The following ASIC2 variants were observed in gnomAD, a reference collection of about 807,000 sequenced individuals.
The protein encoded by ASIC2 is acid-sensing ion channel 2.
ASIC2 carries 25 observed loss-of-function variants against 57.3 expected under a neutral mutation model. The observed-to-expected ratio is 0.44, with a 90% confidence interval of 0.32 to 0.61. ASIC2 has a LOEUF of 0.61. Ranked by LOEUF, ASIC2 falls within the 20% of genes least tolerant of loss-of-function variation. The probability of loss-of-function intolerance (pLI) is 0.06; values close to 1 mark genes in which losing one functional copy is unlikely to be tolerated. For missense variants in ASIC2, 641 were observed against 738.1 expected (o/e 0.87, Z 1.52); for synonymous variants, 319 against 307.5 (o/e 1.04, Z -0.39).
intron 1 of ASIC2, among the ~76,000 whole-genome samples, chr17:33,993,139 C>T (rs909097620): frequency 1.3e-5 from 2 of 152,174 alleles, no homozygotes; most frequent in Non-Finnish European, 2.9e-5. Context: ...AGCCTCAGTG[C>T]TCCAGTGCCC....
At chr17:34,128,171 G>A (rs1598039997) in intron 1 of ASIC2, among the ~76,000 whole-genome samples, 1 of 152,176 alleles carries the variant, frequency 6.6e-6, no homozygotes, top group Non-Finnish European at 1.5e-5. Flanking sequence ...AAAGGCCCAG[G>A]TCATGGGTGT....
In ASIC2 at chr17:33,453,395, A is replaced by T. The variant is rs529232416; in HGVS notation, c.556-341328T>A. 2.0e-5 allele frequency among the ~76,000 whole-genome samples: 3 copies of T among 151,826 alleles called. No individual in the cohort carries two copies. The South Asian group carries it at 6.3e-4, about 32-fold the overall frequency. ...CCTCTCCTACATATTTTTCTAAGGG[A>T]GGGTGATGGACTCTAGAGCCAGAAA... On this transcript the variant is annotated intron_variant, in intron 1 of 9. Transcript: ENST00000359872.
At chr17:33,934,817 C>T (rs937516254) in intron 1 of ASIC2, among the ~76,000 whole-genome samples, 2 of 152,200 alleles carry the variant, frequency 1.3e-5, no homozygotes, top group Non-Finnish European at 1.5e-5. Flanking sequence ...CTTCTATCTC[C>T]TTGCCTAATC....
intron 1 of ASIC2, among the ~76,000 whole-genome samples, chr17:34,092,734 C>T (rs1252763747): frequency 6.6e-6 from 1 of 152,158 alleles, no homozygotes; most frequent in African/African-American, 2.4e-5. Context: ...AACTGGCAGC[C>T]ATCCACCTAC....
At chr17:34,134,830 C>T (rs9903752) in intron 1 of ASIC2, among the ~76,000 whole-genome samples, 19,094 of 152,226 alleles carry the variant, frequency 0.13, 1,365 homozygotes, top group African/African-American at 0.19. Context: ...AGTCAAACTG[C>T]ACTCCTTACT....
In ASIC2 at chr17:33,807,443, C is replaced by T. The variant is rs1469035642; in HGVS notation, c.555+348535G>A. On this transcript the variant is annotated intron_variant, in intron 1 of 9. Coordinates refer to the ASIC2 transcript ENST00000359872. The stretch of plus-strand genomic sequence containing the variant: ...GTGGGTAAACACCACAATTGCCACT[C>T]TCTTGGAGCTCAGCAAGAAAGGCAA... 3.3e-5 allele frequency among the ~76,000 whole-genome samples: 5 copies of T among 152,212 alleles called. No homozygotes were observed. In the East Asian group the frequency reaches 9.6e-4, roughly 29 times the overall value.
At chr17:33,036,777 C>T (rs2091910318) in intron 3 of ASIC2, among the ~76,000 whole-genome samples, 2 of 152,062 alleles carry the variant, frequency 1.3e-5, no homozygotes, top group Non-Finnish European at 2.9e-5. Flanking sequence ...TTGTCATGTT[C>T]CTCTTTCTTT....
intron 1 of ASIC2, among the ~76,000 whole-genome samples, chr17:33,418,759 G>T (rs1597721795): frequency 6.6e-6 from 1 of 152,110 alleles, no homozygotes. Context: ...ATGCAGTTTT[G>T]ATTACTGTAG....
At chr17:33,243,850 C>A (rs1184473955) in intron 1 of ASIC2, among the ~76,000 whole-genome samples, 1 of 152,144 alleles carries the variant, frequency 6.6e-6, no homozygotes, top group Admixed American at 6.5e-5. Context: ...CATTTTTAAT[C>A]CTCTGAAAGA....
chr17:33,197,112 G>T lies in ASIC2; in HGVS notation c.709-85045C>A, dbSNP rs188601193. ...AGTTTCCTCATCTATAAAATGGGTA[G>T]AGAGTGAAGGTGGTAGTGGGCAGGG... is the stretch of plus-strand genomic sequence containing the variant. On this transcript the variant is annotated intron_variant, in intron 1 of 9. Transcript: ENST00000225823. Among the ~76,000 whole-genome samples, 5 of 152,350 alleles carry T rather than the reference G, an allele frequency of 3.3e-5. No individual in the cohort carries two copies. The East Asian group carries it at 9.6e-4, about 29-fold the overall frequency.
At chr17:33,991,528 T>A (rs368562840) in intron 1 of ASIC2, among the ~76,000 whole-genome samples, 1 of 152,252 alleles carries the variant, frequency 6.6e-6, no homozygotes, top group East Asian at 1.9e-4. Flanking sequence ...GGAGTAAGGG[T>A]CTGCTGCATC....
chr17:34,017,487 A>T (rs368797847), intron 1 of ASIC2, among the ~76,000 whole-genome samples: 289 of 152,336 alleles, frequency 1.9e-3, no homozygotes, highest in African/African-American at 6.7e-3. Context: ...TCTGACTTTA[A>T]ATGAAAAGCT....
intron 1 of ASIC2, among the ~76,000 whole-genome samples, chr17:34,147,667 G>T (rs138557997): frequency 6.6e-6 from 1 of 152,186 alleles, no homozygotes; most frequent in Non-Finnish European, 1.5e-5. Flanking sequence ...AAACTGGGAG[G>T]GGTGATGTAG....
At chr17:33,899,358 C>T (rs1418646446) in intron 1 of ASIC2, among the ~76,000 whole-genome samples, 1 of 152,104 alleles carries the variant, frequency 6.6e-6, no homozygotes, top group Non-Finnish European at 1.5e-5. Flanking sequence ...GAGTACCATG[C>T]TAACTTAGTT....
intron 1 of ASIC2, among the ~76,000 whole-genome samples, chr17:33,159,550 C>T (rs918773204): frequency 5.9e-5 from 9 of 152,134 alleles, no homozygotes; most frequent in African/African-American, 1.4e-4. Context: ...AAATCTAGTC[C>T]TCCTAGTTAC....
intron 1 of ASIC2, among the ~76,000 whole-genome samples, chr17:34,126,504 C>T (rs1911784596): frequency 6.6e-6 from 1 of 152,316 alleles, no homozygotes; most frequent in South Asian, 2.1e-4. Context: ...CCAAGGACCT[C>T]AGTCCTGTAC....
At chr17:33,738,739 A>G (rs983009707) in intron 1 of ASIC2, among the ~76,000 whole-genome samples, 5 of 152,172 alleles carry the variant, frequency 3.3e-5, no homozygotes, top group Non-Finnish European at 5.9e-5. Context: ...AACAATGCCC[A>G]AATCTTATCT....
chr17:34,151,803 C>T (rs1904536277), intron 1 of ASIC2, among the ~76,000 whole-genome samples: 1 of 152,138 alleles, frequency 6.6e-6, no homozygotes, highest in Admixed American at 6.5e-5. Flanking sequence ...CTGCTCTAGG[C>T]ACCTGCCACA....
At chr17:33,109,185 A>T (rs926192741) in intron 2 of ASIC2, among the ~76,000 whole-genome samples, 2 of 152,238 alleles carry the variant, frequency 1.3e-5, no homozygotes, top group African/African-American at 4.8e-5. Context: ...CTCAGAAATC[A>T]CCACTAAAGA....
Sources: allele counts gnomAD v4.1 joint callset (sites outside exome capture counted in the v4.1 genomes callset), GRCh38; gene constraint gnomAD v4.1.1; transcripts MANE v1.5; gene names NCBI Gene and HGNC (gene_info 2026-07-23, HGNC 2026-07-21).